Variants in DCC observed in about 807,000 individuals in gnomAD.
DCC encodes the protein netrin receptor DCC.
DCC carries 58 observed loss-of-function variants against 172.5 expected under a neutral mutation model. The observed-to-expected ratio is 0.34, with a 90% confidence interval of 0.27 to 0.42. The LOEUF is 0.42. DCC is among the 10% of genes least tolerant of loss of function. The probability of loss-of-function intolerance (pLI) is 1.00; values close to 1 mark genes in which losing one functional copy is unlikely to be tolerated. For missense variants in DCC, 1,740 were observed against 1,791.0 expected (o/e 0.97, Z 0.51); for synonymous variants, 709 against 644.5 (o/e 1.10, Z -1.52).
chr18:53,140,076 GAGAT>G (rs1167732942), intron 7 of DCC, among the ~76,000 whole-genome samples: 13 of 152,338 alleles, frequency 8.5e-5, no homozygotes, highest in African/African-American at 3.1e-4. Context: ...ACAGATGTAT[GAGAT>G]AGATATGTAC....
At chr18:53,325,988 G>T (rs1242815770) in intron 14 of DCC, among the ~76,000 whole-genome samples, 12 of 152,118 alleles carry the variant, frequency 7.9e-5, no homozygotes, top group Non-Finnish European at 2.9e-5. Flanking sequence ...CATTTTTCAA[G>T]GAAATATTGC....
At chr18:53,225,066 C>T (rs1387055243) in intron 12 of DCC, among the ~76,000 whole-genome samples, 1 of 152,050 alleles carries the variant, frequency 6.6e-6, no homozygotes, top group Non-Finnish European at 1.5e-5. Flanking sequence ...GGTGATTTCA[C>T]AGATGTCATG....
intron 12 of DCC, among the ~76,000 whole-genome samples, chr18:53,268,152 T>C (rs1157383184): frequency 6.6e-6 from 1 of 152,044 alleles, no homozygotes; most frequent in Non-Finnish European, 1.5e-5. Flanking sequence ...AAAAACAAGA[T>C]TAATATTAAG....
chr18:52,907,992 G>T (rs1332117496), intron 3 of DCC, among the ~76,000 whole-genome samples: 1 of 152,158 alleles, frequency 6.6e-6, no homozygotes, highest in African/African-American at 2.4e-5. Context: ...AGAATCTCAT[G>T]TAATGCCTAC....
chr18:52,783,231 C>G (rs1026041702), intron 2 of DCC, among the ~76,000 whole-genome samples: 1 of 149,398 alleles, frequency 6.7e-6, no homozygotes, highest in Non-Finnish European at 1.5e-5. Context: ...TTTACAGCAA[C>G]TGCTCTTAAA....
chr18:52,899,582 G>A (rs910889672), intron 2 of DCC, among the ~76,000 whole-genome samples: 3 of 151,564 alleles, frequency 2.0e-5, no homozygotes, highest in Non-Finnish European at 4.4e-5. Flanking sequence ...CTCGAACTCC[G>A]GAACTCAGGT....
At chr18:53,228,357 C>A (rs974852720) in intron 12 of DCC, among the ~76,000 whole-genome samples, 2 of 152,082 alleles carry the variant, frequency 1.3e-5, no homozygotes, top group Non-Finnish European at 2.9e-5. Flanking sequence ...CCGTTACAAT[C>A]TTGGATTATT....
intron 5 of DCC, among the ~76,000 whole-genome samples, chr18:52,982,612 A>G (rs2041230042): frequency 6.6e-6 from 1 of 152,080 alleles, no homozygotes; most frequent in African/African-American, 2.4e-5. Context: ...TCTACCTACT[A>G]GATGCCACTA....
intron 1 of DCC, among the ~76,000 whole-genome samples, chr18:52,745,724 G>A (rs1306069186): frequency 6.6e-6 from 1 of 152,134 alleles, no homozygotes; most frequent in Non-Finnish European, 1.5e-5. Flanking sequence ...GTGCTATAGA[G>A]CATTAGAACT....
In DCC at chr18:53,406,720, AG is replaced by A. The variant is rs762585730; in HGVS notation, c.2936-3731del. On this transcript the variant is annotated intron_variant, in intron 19 of 28. Coordinates refer to ENST00000442544, the MANE Select transcript of DCC (RefSeq NM_005215.4). ...CTCTGTCTCAAAAAAAAAAAAAGAA[AG>A]AAAGAAAAAAGAAAAAAAGTACAGG... Among the ~76,000 whole-genome samples, 863 of 117,264 alleles carry A rather than the reference AG, an allele frequency of 7.4e-3. 11 individuals are homozygous for A. The highest frequency in any genetic ancestry group is 0.013 in the African/African-American group (456 of 35,064). 76.9% of individuals were successfully genotyped at this position (117,264 alleles called of 152,430 possible).
chr18:52,514,445 C>T (rs902575874), intron 1 of DCC, among the ~76,000 whole-genome samples: 3 of 152,162 alleles, frequency 2.0e-5, no homozygotes, highest in Admixed American at 2.0e-4. Context: ...GATTACCTCT[C>T]CCCCAGTTCT....
intron 7 of DCC, among the ~76,000 whole-genome samples, chr18:53,104,649 T>C (rs913073295): frequency 9.2e-5 from 14 of 152,194 alleles, no homozygotes; most frequent in Admixed American, 2.0e-4. Context: ...TGGAACAGTT[T>C]TACAAATAGG....
At chr18:53,007,519 G>A (rs553536382) in intron 5 of DCC, among the ~76,000 whole-genome samples, 2 of 152,128 alleles carry the variant, frequency 1.3e-5, no homozygotes, top group East Asian at 3.9e-4. Flanking sequence ...GAATCACAGT[G>A]AACAATTAAA....
At chr18:53,312,950 G>T (rs2057294737) in intron 13 of DCC, among the ~76,000 whole-genome samples, 1 of 129,568 alleles carries the variant, frequency 7.7e-6, no homozygotes, top group Non-Finnish European at 1.7e-5. Context: ...GGGAGGGGAG[G>T]GAAGGGAGGA....
chr18:52,340,479 C>T lies in DCC; in HGVS notation c.-309C>T. ...AGCCCCTCAGAGAGCTGTCTTCCCT[C>T]CTCTGGCTCCCTCCGTTTCCTTGAG... On this transcript the variant is annotated 5_prime_UTR_variant, in exon 1 of 29. Coordinates refer to ENST00000442544, the MANE Select transcript of DCC (RefSeq NM_005215.4). 2 of 470,382 alleles carry T rather than the reference C, an allele frequency of 4.3e-6. No individual in the cohort carries two copies. Among genetic ancestry groups the T allele is most frequent in the South Asian group, 4.3e-5 (2 of 46,798 alleles). 29.1% of individuals were successfully genotyped at this position (470,382 alleles called of 1,614,324 possible).
intron 2 of DCC, among the ~76,000 whole-genome samples, chr18:52,827,579 TAAATGAAAATGCACCTGC>T (rs2038534910): frequency 6.6e-6 from 1 of 152,204 alleles, no homozygotes; most frequent in Admixed American, 6.5e-5. Context: ...AAAACAATAT[TAAATGAAAATGCACCTGC>T]ATAAATTCTC....
At chr18:53,100,510 A>G (rs753562129) in intron 7 of DCC, among the ~76,000 whole-genome samples, 2 of 152,008 alleles carry the variant, frequency 1.3e-5, no homozygotes, top group Non-Finnish European at 2.9e-5. Flanking sequence ...AAAAAGGAGA[A>G]CGAGGACAAT....
chr18:53,365,319 A>G (rs953138331), intron 15 of DCC, among the ~76,000 whole-genome samples: 2 of 151,970 alleles, frequency 1.3e-5, no homozygotes, highest in African/African-American at 4.8e-5. Flanking sequence ...AATCCAGTCT[A>G]TCATTGTCGG....
intron 2 of DCC, among the ~76,000 whole-genome samples, chr18:52,770,014 T>C (rs769557755): frequency 6.4e-4 from 98 of 152,224 alleles, no homozygotes; most frequent in Non-Finnish European, 1.2e-3. Context: ...TAGTTGACAA[T>C]ATATTTCATA....
Sources: allele counts gnomAD v4.1 joint callset (sites outside exome capture counted in the v4.1 genomes callset), GRCh38; gene constraint gnomAD v4.1.1; transcripts MANE v1.5; gene names NCBI Gene and HGNC (gene_info 2026-07-23, HGNC 2026-07-21).